MAD1L1: variants seen among roughly 807,000 people sequenced by gnomAD.
MAD1L1 encodes the protein mitotic spindle assembly checkpoint protein MAD1.
Under a neutral mutation model 96.9 loss-of-function variants are expected in MAD1L1, and 95 were observed. The observed-to-expected ratio is 0.98, with a 90% CI of 0.83 to 1.16. MAD1L1 has a LOEUF of 1.16. Ranked by LOEUF, MAD1L1 falls within the 50% of genes most tolerant of loss-of-function variation. The pLI, the probability that MAD1L1 is intolerant of heterozygous loss-of-function variation, is 0.00. For missense variants in MAD1L1, 1,007 were observed against 954.4 expected, an observed-to-expected ratio of 1.06 and a Z score of -0.73; for synonymous variants, 473 against 396.6, an observed-to-expected ratio of 1.19 and a Z score of -2.29.
intron 18 of MAD1L1, among the ~76,000 whole-genome samples, chr7:1,895,996 G>A (rs532844945): frequency 6.0e-4 from 91 of 152,350 alleles, no homozygotes; most frequent in Middle Eastern, 3.4e-3. Context: ...CAAGAGCTGC[G>A]GGGCCCAGGC....
At chr7:2,112,863 G>C (rs1439471233) in intron 11 of MAD1L1, among the ~76,000 whole-genome samples, 2 of 137,582 alleles carry the variant, frequency 1.5e-5, no homozygotes, top group African/African-American at 5.3e-5. Context: ...CAGATAGTTT[G>C]AAAAAAAAAA....
chr7:2,179,423 G>A (rs948542820), intron 10 of MAD1L1, among the ~76,000 whole-genome samples: 2 of 151,920 alleles, frequency 1.3e-5, no homozygotes, highest in Non-Finnish European at 2.9e-5. Context: ...AGCCACTCAG[G>A]AGGCTGAGGC....
intron 11 of MAD1L1, among the ~76,000 whole-genome samples, chr7:2,123,327 G>A (rs1255820361): frequency 1.3e-5 from 2 of 151,432 alleles, no homozygotes; most frequent in African/African-American, 4.9e-5. Context: ...AAAAGCAGCA[G>A]GGGAGCTCAG....
intron 11 of MAD1L1, among the ~76,000 whole-genome samples, chr7:2,107,156 G>A (rs551224099): frequency 6.6e-6 from 1 of 152,334 alleles, no homozygotes; most frequent in African/African-American, 2.4e-5. Context: ...AACATCCCTA[G>A]CAACACAGAG....
At chr7:2,117,444 A>T (rs201013922) in intron 11 of MAD1L1, among the ~76,000 whole-genome samples, 2 of 152,200 alleles carry the variant, frequency 1.3e-5, no homozygotes, top group East Asian at 3.9e-4. Context: ...ATATGGTCTG[A>T]CTGTGTCCCC....
intron 1 of MAD1L1, among the ~76,000 whole-genome samples, chr7:2,231,411 G>A (rs1003897534): frequency 1.3e-5 from 2 of 152,034 alleles, no homozygotes; most frequent in African/African-American, 2.4e-5. Context: ...CCACAGGTCA[G>A]GAGTTCGAGA....
intron 10 of MAD1L1, among the ~76,000 whole-genome samples, chr7:2,178,634 C>A (rs1442102360): frequency 6.6e-6 from 1 of 152,188 alleles, no homozygotes; most frequent in Admixed American, 6.5e-5. Flanking sequence ...CGATGGCTCA[C>A]GCCTGTAATC....
chr7:2,164,464 T>A (rs949013919), intron 10 of MAD1L1, among the ~76,000 whole-genome samples: 1 of 152,106 alleles, frequency 6.6e-6, no homozygotes, highest in African/African-American at 2.4e-5. Flanking sequence ...CGGTTGCTGG[T>A]GCCCACGCCC....
intron 11 of MAD1L1, among the ~76,000 whole-genome samples, chr7:2,105,258 G>T (rs538032789): frequency 6.6e-6 from 1 of 152,278 alleles, no homozygotes; most frequent in Admixed American, 6.5e-5. Context: ...TAACACACGA[G>T]CTGGCTTCAG....
At chr7:1,883,751 T>C (rs1482308318) in intron 18 of MAD1L1, among the ~76,000 whole-genome samples, 2 of 152,196 alleles carry the variant, frequency 1.3e-5, no homozygotes, top group African/African-American at 2.4e-5. Flanking sequence ...GCAGTCTGTG[T>C]GCCCCAGGCC....
intron 18 of MAD1L1, among the ~76,000 whole-genome samples, chr7:1,819,114 G>A (rs1426100205): frequency 2.6e-5 from 4 of 152,132 alleles, no homozygotes; most frequent in East Asian, 3.8e-4. Flanking sequence ...CTCTGCCATC[G>A]CTGCTCAGCC....
intron 11 of MAD1L1, among the ~76,000 whole-genome samples, chr7:2,122,241 C>A (rs1027595658): frequency 2.0e-5 from 3 of 152,214 alleles, no homozygotes; most frequent in African/African-American, 7.2e-5. Context: ...AGACTGCCCG[C>A]GTCAGACCTG....
At chr7:1,859,009 C>T (rs557339176) in intron 18 of MAD1L1, among the ~76,000 whole-genome samples, 3 of 152,196 alleles carry the variant, frequency 2.0e-5, no homozygotes, top group Non-Finnish European at 2.9e-5. Context: ...TCCCCCGACT[C>T]GGCCTGCATG....
At chr7:2,104,352 G>A (rs571277834) in intron 11 of MAD1L1, among the ~76,000 whole-genome samples, 4 of 152,340 alleles carry the variant, frequency 2.6e-5, no homozygotes, top group African/African-American at 7.2e-5. Flanking sequence ...CCGCCCCTCC[G>A]CGAAGGAGAG....
intron 18 of MAD1L1, among the ~76,000 whole-genome samples, chr7:1,840,267 C>G (rs1783177389): frequency 6.6e-6 from 1 of 152,228 alleles, no homozygotes; most frequent in Non-Finnish European, 1.5e-5. Context: ...ATCTCCCCAA[C>G]CCAGCCAGAC....
At chr7:2,164,463 G>C (rs559389731) in intron 10 of MAD1L1, among the ~76,000 whole-genome samples, 1 of 152,182 alleles carries the variant, frequency 6.6e-6, no homozygotes, top group African/African-American at 2.4e-5. Flanking sequence ...ACGGTTGCTG[G>C]TGCCCACGCC....
intron 11 of MAD1L1, among the ~76,000 whole-genome samples, chr7:2,099,908 C>T (rs1225281242): frequency 6.6e-6 from 1 of 152,246 alleles, no homozygotes; most frequent in Non-Finnish European, 1.5e-5. Flanking sequence ...AGAACCAGCA[C>T]CAATGCTCTT....
In MAD1L1 at chr7:2,001,928, C is replaced by A. The variant is rs1005538826; in HGVS notation, c.1416+137G>T. 1.3e-5 allele frequency: 11 copies of A among 871,550 alleles called. No homozygotes were observed. The African/African-American group carries it at 1.7e-4, about 13-fold the overall frequency. 54.0% of individuals were successfully genotyped at this position (871,550 alleles called of 1,614,324 possible). On this transcript the variant is annotated intron_variant, in intron 14 of 18. Coordinates refer to ENST00000265854, the MANE Select transcript of MAD1L1 (RefSeq NM_001013836.2). Reference sequence around the variant, plus strand: ...CAGGCTCCTCACACACCCTTCCCCGCTCAACGCAGCTTCCGACGACAGAAG... The same window carrying A: ...CAGGCTCCTCACACACCCTTCCCCGATCAACGCAGCTTCCGACGACAGAAG...
intron 16 of MAD1L1, among the ~76,000 whole-genome samples, chr7:1,938,749 CA>C: frequency 1.6e-5 from 2 of 128,656 alleles, no homozygotes; most frequent in Non-Finnish European, 3.3e-5. Context: ...CGCGCACGCA[CA>C]CACACACACA....
Sources: gnomAD v4.1 joint callset for allele counts (sites outside exome capture counted in the v4.1 genomes callset) on GRCh38, gnomAD v4.1.1 for gene constraint, MANE v1.5 for transcripts, NCBI Gene and HGNC (gene_info 2026-07-23, HGNC 2026-07-21) for gene names.